Variants in JAZF1 observed in about 807,000 individuals in gnomAD.
The protein encoded by JAZF1 is JAZF zinc finger 1, also known as juxtaposed with another zinc finger protein 1.
Under a neutral mutation model 26.4 loss-of-function variants are expected in JAZF1, and 8 were observed. The observed-to-expected ratio is 0.30, with a 90% CI of 0.18 to 0.55. The LOEUF is 0.55. JAZF1 is among the 20% of genes least tolerant of loss of function. The pLI is 0.94. For synonymous variants in JAZF1, 126 were observed against 122.3 expected (o/e 1.03, Z -0.20); for missense variants, 199 against 322.0 (o/e 0.62, Z 2.92).
chr7:28,129,688 A>T (rs1453392730), intron 1 of JAZF1, among the ~76,000 whole-genome samples: 1 of 152,216 alleles, frequency 6.6e-6, no homozygotes, highest in Non-Finnish European at 1.5e-5. Context: ...TTTAATAAGT[A>T]ATTTTTTATT....
chr7:27,876,566 C>T (rs766211437), intron 3 of JAZF1, among the ~76,000 whole-genome samples: 1 of 152,186 alleles, frequency 6.6e-6, no homozygotes, highest in Non-Finnish European at 1.5e-5. Flanking sequence ...CTTTTAATCT[C>T]TCTCTAGGTA....
At chr7:27,860,556 G>A (rs756716490) in intron 3 of JAZF1, among the ~76,000 whole-genome samples, 18 of 152,158 alleles carry the variant, frequency 1.2e-4, no homozygotes, top group Non-Finnish European at 2.6e-4. Flanking sequence ...TACAGGCCAG[G>A]CACAGCTCTA....
intron 1 of JAZF1, among the ~76,000 whole-genome samples, chr7:28,108,818 A>C (rs1784595145): frequency 6.6e-6 from 1 of 152,232 alleles, no homozygotes. Flanking sequence ...CCATCGATGG[A>C]TAAACAGATT....
chr7:27,902,363 C>T (rs1189588098), intron 2 of JAZF1, among the ~76,000 whole-genome samples: 5 of 152,194 alleles, frequency 3.3e-5, no homozygotes, highest in Admixed American at 3.3e-4. Context: ...CTGTCATTTT[C>T]CTGTTCTATT....
At chr7:27,843,833 G>A (rs1309904734) in intron 3 of JAZF1, 5 of 152,294 alleles carry the variant, frequency 3.3e-5, no homozygotes, top group African/African-American at 1.2e-4. Flanking sequence ...AAGAATAACT[G>A]AGTTCCTGTT....
In JAZF1 at chr7:27,840,340, T is replaced by C. The variant is rs1782898597; in HGVS notation, c.555+358A>G. On this transcript the variant is annotated intron_variant, in intron 4 of 4. Transcript: ENST00000283928. This position sits in a 1 kb window ranked among gnomAD's most constrained non-coding sequence, Gnocchi z 5.1. ...CTGTAGGGCCATCCGTTGGGGAAGG[T>C]GCTTGGCAAATAAAGTAGGTTGACA... Among the ~76,000 whole-genome samples the C allele has an allele frequency of 6.6e-6, 1 of 152,204 alleles. No individual in the cohort carries two copies. Among genetic ancestry groups the C allele is most frequent in the Non-Finnish European group, 1.5e-5 (1 of 68,028 alleles).
chr7:27,874,877 C>G (rs1253049323), intron 3 of JAZF1, among the ~76,000 whole-genome samples: 1 of 152,144 alleles, frequency 6.6e-6, no homozygotes, highest in African/African-American at 2.4e-5. Flanking sequence ...CAGTGGCTTG[C>G]AAACACTACC....
chr7:28,029,449 C>T (rs1049401278), intron 1 of JAZF1, among the ~76,000 whole-genome samples: 2 of 152,114 alleles, frequency 1.3e-5, no homozygotes, highest in Non-Finnish European at 2.9e-5. Context: ...TCAAATAATC[C>T]ACAATCAAGC....
rs1022115914 is a variant in JAZF1, at chr7:27,831,814, T to C, written c.*986A>G. 1.4e-5 allele frequency: 3 copies of C among 220,562 alleles called. No individual in the cohort carries two copies. Among genetic ancestry groups the C allele is most frequent in the East Asian group, 6.7e-5 (1 of 14,954 alleles). The allele number at this position is 220,562 out of a possible 1,614,324, so 13.7% of individuals were successfully genotyped here. The stretch of plus-strand genomic sequence containing the variant: ...TCTGATTTGCAACCCACAGGTTTGG[T>C]AGGGCAGTGGTTGCAAGAATTGGCA... On this transcript the variant is annotated 3_prime_UTR_variant, in exon 5 of 5. Transcript: ENST00000283928.
At chr7:27,854,845 T>C (rs1783214333) in intron 3 of JAZF1, among the ~76,000 whole-genome samples, 1 of 152,160 alleles carries the variant, frequency 6.6e-6, no homozygotes, top group African/African-American at 2.4e-5. Context: ...TGTCTTGGGG[T>C]TGCTTTTCTC....
At chr7:27,863,296 C>G (rs1484604496) in intron 3 of JAZF1, among the ~76,000 whole-genome samples, 2 of 152,172 alleles carry the variant, frequency 1.3e-5, no homozygotes, top group African/African-American at 4.8e-5. Flanking sequence ...CCTGTTCTCC[C>G]TGCTCTTGAA....
At chr7:28,109,753 C>T (rs1240541798) in intron 1 of JAZF1, among the ~76,000 whole-genome samples, 1 of 152,188 alleles carries the variant, frequency 6.6e-6, no homozygotes, top group East Asian at 1.9e-4. Context: ...CCCACTCTGC[C>T]AACCCCTGTT....
chr7:28,147,390 A>G (rs1783043914), intron 1 of JAZF1, among the ~76,000 whole-genome samples: 1 of 152,142 alleles, frequency 6.6e-6, no homozygotes, highest in South Asian at 2.1e-4. Context: ...TTCATACAGA[A>G]AAGCCCAAAG....
At chr7:27,885,306 A>G (rs1433880164) in intron 3 of JAZF1, among the ~76,000 whole-genome samples, 1 of 152,232 alleles carries the variant, frequency 6.6e-6, no homozygotes, top group Non-Finnish European at 1.5e-5. Flanking sequence ...CCTGCTGGAA[A>G]CATCCAGTGC....
chr7:27,870,902 A>G (rs1395016133), intron 3 of JAZF1, among the ~76,000 whole-genome samples: 1 of 152,188 alleles, frequency 6.6e-6, no homozygotes, highest in Non-Finnish European at 1.5e-5. Flanking sequence ...ACTTTTCTGA[A>G]CATGAGGTTC....
chr7:27,945,269 TTA>T (rs1000179922), intron 2 of JAZF1, among the ~76,000 whole-genome samples: 12 of 152,150 alleles, frequency 7.9e-5, no homozygotes, highest in Non-Finnish European at 1.8e-4. Context: ...TTATGCGGCA[TTA>T]TGACAGCTAG....
chr7:27,846,481 C>G, intron 3 of JAZF1: 1 of 470,722 alleles, frequency 2.1e-6, no homozygotes, highest in South Asian at 1.6e-5. Context: ...GTTTCCAATT[C>G]TTGTCTGCTG....
At chr7:27,883,906 T>C (rs1245953858) in intron 3 of JAZF1, among the ~76,000 whole-genome samples, 2 of 152,252 alleles carry the variant, frequency 1.3e-5, no homozygotes, top group Non-Finnish European at 2.9e-5. Flanking sequence ...ATGCTAAGGA[T>C]GAAGAATTCC....
rs553431552 is a variant in JAZF1, at chr7:27,939,368, C to A, written c.189-43952G>T. 5.3e-5 allele frequency among the ~76,000 whole-genome samples: 8 copies of A among 152,318 alleles called. No individual in the cohort carries two copies. In the East Asian group the frequency reaches 1.3e-3, roughly 26 times the overall value. On this transcript the variant is annotated intron_variant, in intron 2 of 4. Transcript: ENST00000283928. ...CTGAGTAGCAGGCTGAGAAGCAGCA[C>A]TGTGGCAGGGGAGGCAACAGGACAG...
Sources: allele counts gnomAD v4.1 joint callset (sites outside exome capture counted in the v4.1 genomes callset), GRCh38; gene constraint gnomAD v4.1.1; non-coding constraint Gnocchi (gnomAD v3.1); transcripts MANE v1.5; gene names NCBI Gene and HGNC (gene_info 2026-07-23, HGNC 2026-07-21).